GRID2: variants seen among roughly 807,000 people sequenced by gnomAD.
GRID2 encodes glutamate receptor ionotropic, delta-2.
A neutral mutation model predicts 114.8 loss-of-function variants in GRID2; 33 were observed. The ratio of observed to expected loss-of-function variants is 0.29; its 90% CI spans 0.22 to 0.38. The LOEUF (loss-of-function observed/expected upper bound fraction) is 0.38, where lower values mean the gene tolerates loss of function less well. Among genes scored for constraint, GRID2 ranks in the 10% least tolerant of loss-of-function variants. GRID2 has a pLI of 1.00. For synonymous variants in GRID2, 505 were observed against 449.9 expected, an observed-to-expected ratio of 1.12 and a Z score of -1.55; for missense variants, 1,184 against 1,257.7, an observed-to-expected ratio of 0.94 and a Z score of 0.89.
chr4:93,550,082 T>C (rs1484936895), intron 13 of GRID2, among the ~76,000 whole-genome samples: 1 of 152,038 alleles, frequency 6.6e-6, no homozygotes, highest in East Asian at 1.9e-4. Flanking sequence ...TCCTTGACTC[T>C]TTCTGATATT....
chr4:93,329,967 C>T (rs879422689), intron 8 of GRID2, among the ~76,000 whole-genome samples: 2 of 151,792 alleles, frequency 1.3e-5, no homozygotes, highest in African/African-American at 2.4e-5. Context: ...AATCTGATTA[C>T]ATCTCCAGGG....
At chr4:93,343,784 G>A (rs1427750579) in intron 8 of GRID2, among the ~76,000 whole-genome samples, 7 of 152,048 alleles carry the variant, frequency 4.6e-5, no homozygotes, top group Admixed American at 2.6e-4. Context: ...TCTCTGACCT[G>A]TGGCTAACCG....
At chr4:93,369,055 T>C (rs1292772516) in intron 8 of GRID2, among the ~76,000 whole-genome samples, 1 of 152,196 alleles carries the variant, frequency 6.6e-6, no homozygotes, top group Non-Finnish European at 1.5e-5. Context: ...GCAAACTGAT[T>C]GGCTTAAAAC....
intron 1 of GRID2, among the ~76,000 whole-genome samples, chr4:92,384,517 T>TTATATATTA (rs1553929583): frequency 0.017 from 602 of 36,134 alleles, 36 homozygotes; most frequent in African/African-American, 0.068. Flanking sequence ...ATATATAATA[T>TTATATATTA]TATATAATAT....
intron 14 of GRID2, among the ~76,000 whole-genome samples, chr4:93,660,841 C>G (rs755797999): frequency 7.2e-5 from 11 of 152,066 alleles, no homozygotes; most frequent in Non-Finnish European, 1.3e-4. Context: ...AATACAAAGA[C>G]AGGCCCAGAT....
intron 11 of GRID2, among the ~76,000 whole-genome samples, chr4:93,482,196 C>G (rs890624990): frequency 6.6e-6 from 1 of 151,742 alleles, no homozygotes; most frequent in Non-Finnish European, 1.5e-5. Context: ...GGGTATATAC[C>G]CAAAGGATTA....
chr4:93,005,716 C>T (rs1721446605), intron 2 of GRID2, among the ~76,000 whole-genome samples: 1 of 151,864 alleles, frequency 6.6e-6, no homozygotes, highest in Non-Finnish European at 1.5e-5. Flanking sequence ...AGTATTTGAC[C>T]ATTAAAAGGA....
chr4:92,971,032 C>A (rs1225246488), intron 2 of GRID2, among the ~76,000 whole-genome samples: 1 of 151,518 alleles, frequency 6.6e-6, no homozygotes, highest in Admixed American at 6.6e-5. Flanking sequence ...AAAATTTGTA[C>A]AGAAGAAGAC....
At chr4:92,328,738 CTGTTGGG>C (rs1430966848) in intron 1 of GRID2, among the ~76,000 whole-genome samples, 1 of 151,898 alleles carries the variant, frequency 6.6e-6, no homozygotes, top group Non-Finnish European at 1.5e-5. Flanking sequence ...GTTTTTGTTT[CTGTTGGG>C]TGTTCGGAAT....
At chr4:93,616,519 C>T (rs1741664240) in intron 13 of GRID2, among the ~76,000 whole-genome samples, 1 of 147,230 alleles carries the variant, frequency 6.8e-6, no homozygotes, top group African/African-American at 2.5e-5. Flanking sequence ...GCATTACAGC[C>T]TGGGCAACAG....
chr4:93,400,595 A>G (rs1266691150), intron 9 of GRID2, among the ~76,000 whole-genome samples: 4 of 152,226 alleles, frequency 2.6e-5, no homozygotes, highest in Non-Finnish European at 5.9e-5. Flanking sequence ...ATCATAATAT[A>G]TATGATAATA....
At chr4:92,869,095 T>C (rs969646) in intron 2 of GRID2, among the ~76,000 whole-genome samples, 148,706 of 152,230 alleles carry the variant, frequency 0.98, 72,660 homozygotes, top group East Asian at 1. Context: ...TGTCCATCTC[T>C]GCCTCTTTCT....
At chr4:92,452,616 G>A (rs565453204) in intron 1 of GRID2, among the ~76,000 whole-genome samples, 202 of 152,076 alleles carry the variant, frequency 1.3e-3, no homozygotes, top group Non-Finnish European at 1.8e-3. Context: ...GTGAGCCAAG[G>A]TGCCCGGCCC....
intron 1 of GRID2, among the ~76,000 whole-genome samples, chr4:93,799,787 T>C (rs1344896172): frequency 6.6e-6 from 1 of 152,204 alleles, no homozygotes; most frequent in African/African-American, 2.4e-5. Context: ...ACTCAACTAA[T>C]TTCTAATCAA....
intron 2 of GRID2, among the ~76,000 whole-genome samples, chr4:92,638,184 A>C (rs1346214497): frequency 1.3e-5 from 2 of 151,650 alleles, no homozygotes; most frequent in African/African-American, 4.8e-5. Context: ...TATTTATTTA[A>C]AATCTCTTAA....
chr4:93,255,416 G>A (rs574679351), intron 8 of GRID2, among the ~76,000 whole-genome samples: 1 of 152,188 alleles, frequency 6.6e-6, no homozygotes, highest in East Asian at 1.9e-4. Context: ...GTGATAAATA[G>A]TAAAGGAGAA....
At chr4:93,730,891 A>G (rs925306424) in intron 14 of GRID2, among the ~76,000 whole-genome samples, 3 of 152,220 alleles carry the variant, frequency 2.0e-5, no homozygotes, top group East Asian at 1.9e-4. Flanking sequence ...TGCATAAACT[A>G]TGGTCTGCCA....
At chr4:93,096,402 CTA>C (rs1450706894) in intron 3 of GRID2, among the ~76,000 whole-genome samples, 1 of 151,868 alleles carries the variant, frequency 6.6e-6, no homozygotes, top group African/African-American at 2.4e-5. Context: ...AATAGACAAA[CTA>C]TGAACTGTGC....
chr4:92,998,528 A>G (rs1383721973), intron 2 of GRID2, among the ~76,000 whole-genome samples: 1 of 151,996 alleles, frequency 6.6e-6, no homozygotes, highest in Non-Finnish European at 1.5e-5. Context: ...GTAGTACCAC[A>G]TGCATGAGAT....
Sources: gnomAD v4.1 joint callset for allele counts (sites outside exome capture counted in the v4.1 genomes callset) on GRCh38, gnomAD v4.1.1 for gene constraint, MANE v1.5 for transcripts, NCBI Gene and HGNC (gene_info 2026-07-23, HGNC 2026-07-21) for gene names.